KRABD3: variants seen among roughly 807,000 people sequenced by gnomAD.
KRABD3 encodes KRAB domain containing 3, also known as KRAB domain-containing protein 3.
At chr7:149,734,236 G>A in the KRABD3 span, 1 of 718,702 alleles carries the variant, frequency 1.4e-6, no homozygotes, top group African/African-American at 1.8e-5. Flanking sequence ...GCTGCTGTGG[G>A]GGTGCCTTCC....
At chr7:149,722,619 C>A in the KRABD3 span, 2 of 1,534,390 alleles carry the variant, frequency 1.3e-6, no homozygotes, top group South Asian at 1.2e-5. Context: ...ACGAGGAGGT[C>A]ATGCTGCTCC....
the KRABD3 span, chr7:149,726,040 A>G: frequency 3.1e-6 from 5 of 1,612,362 alleles, no homozygotes; most frequent in South Asian, 5.5e-5. Flanking sequence ...GTGGGGAACC[A>G]GGGGCAGCAT....
the KRABD3 span, chr7:149,730,072 G>A: frequency 4.9e-6 from 7 of 1,427,738 alleles, no homozygotes; most frequent in Non-Finnish European, 4.6e-6. Context: ...GACCGGTTCT[G>A]TGTGCCCAGA....
the KRABD3 span, among the ~76,000 whole-genome samples, chr7:149,727,468 C>G: frequency 6.6e-6 from 1 of 152,192 alleles, no homozygotes; most frequent in African/African-American, 2.4e-5. Flanking sequence ...ATGAAGCCTT[C>G]GGCACTCCAG....
chr7:149,728,950 G>A, the KRABD3 span, among the ~76,000 whole-genome samples: 3 of 152,154 alleles, frequency 2.0e-5, no homozygotes, highest in Non-Finnish European at 4.4e-5. Context: ...CCAGCCCCAC[G>A]AGCCTTGGTG....
chr7:149,722,161 C>T, the KRABD3 span: 6 of 515,870 alleles, frequency 1.2e-5, no homozygotes, highest in Non-Finnish European at 2.1e-5. Context: ...TTGTGGCCTA[C>T]ATGTCAAGGC....
chr7:149,728,822 C>T, the KRABD3 span: 10,529 of 889,182 alleles, frequency 0.012, 118 homozygotes, highest in African/African-American at 0.048. Flanking sequence ...GGCCAGAAAG[C>T]CAGATAGTCT....
chr7:149,727,451 A>C, the KRABD3 span, among the ~76,000 whole-genome samples: 1 of 152,240 alleles, frequency 6.6e-6, no homozygotes, highest in Admixed American at 6.5e-5. Context: ...AAGGTTATGT[A>C]GGGAAAATGA....
At chr7:149,727,552 T>A in the KRABD3 span, among the ~76,000 whole-genome samples, 1 of 152,202 alleles carries the variant, frequency 6.6e-6, no homozygotes, top group Non-Finnish European at 1.5e-5. Context: ...ACATGCCCCC[T>A]CCAGGCTGCC....
At chr7:149,718,018 G>C in the KRABD3 span, among the ~76,000 whole-genome samples, 6 of 152,062 alleles carry the variant, frequency 3.9e-5, no homozygotes, top group Non-Finnish European at 8.8e-5. Flanking sequence ...GGCTGGTCTT[G>C]AACTCCTGAC....
the KRABD3 span, chr7:149,719,366 C>A: frequency 1.7e-6 from 1 of 574,858 alleles, no homozygotes; most frequent in Non-Finnish European, 2.9e-6. The surrounding 1 kb of genome is among the most constrained non-coding windows in gnomAD (Gnocchi z 5.6). Context: ...TTCAGCGTGT[C>A]TCTGCAGAGA....
the KRABD3 span, chr7:149,720,748 T>G: frequency 6.7e-4 from 865 of 1,284,766 alleles, no homozygotes; most frequent in Non-Finnish European, 8.4e-4. Context: ...GAGGATTACG[T>G]GAGATGCTGG....
chr7:149,719,486 A>G, the KRABD3 span: 1 of 1,500,422 alleles, frequency 6.7e-7, no homozygotes. This position sits in a 1 kb window ranked among gnomAD's most constrained non-coding sequence, Gnocchi z 5.6. Context: ...AAGTGCAGGG[A>G]CAGCTAGGCT....
At chr7:149,721,571 A>G in the KRABD3 span, 3 of 1,603,646 alleles carry the variant, frequency 1.9e-6, no homozygotes, top group East Asian at 6.7e-5. Context: ...GAGAACCAGC[A>G]TTTCAAAAGC....
At chr7:149,720,930 G>C in the KRABD3 span, 2 of 1,613,686 alleles carry the variant, frequency 1.2e-6, no homozygotes, top group Non-Finnish European at 1.7e-6. Context: ...GGGCGCTATG[G>C]ACAGCCCCGA....
the KRABD3 span, chr7:149,722,646 G>T: frequency 5.4e-6 from 8 of 1,491,420 alleles, no homozygotes; most frequent in Non-Finnish European, 7.3e-6. Context: ...TGGGCCTGGT[G>T]GCAGCTCCAC....
chr7:149,728,598 C>G, the KRABD3 span: 1 of 1,613,784 alleles, frequency 6.2e-7, no homozygotes, highest in Non-Finnish European at 8.5e-7. Context: ...GTGCTGCGGC[C>G]TGCCTGGCCC....
At chr7:149,727,518 C>G in the KRABD3 span, among the ~76,000 whole-genome samples, 1 of 152,264 alleles carries the variant, frequency 6.6e-6, no homozygotes, top group African/African-American at 2.4e-5. Flanking sequence ...CCCTCCTCCT[C>G]CTCACACAGA....
the KRABD3 span, chr7:149,730,051 G>T: frequency 7.1e-7 from 1 of 1,410,828 alleles, no homozygotes. Flanking sequence ...CGTGGGCTGA[G>T]CTGAAAAGGG....
Sources: gnomAD v4.1 joint callset for allele counts (sites outside exome capture counted in the v4.1 genomes callset) on GRCh38, gnomAD v4.1.1 for gene constraint, Gnocchi (gnomAD v3.1) non-coding constraint, MANE v1.5 for transcripts, NCBI Gene and HGNC (gene_info 2026-07-23, HGNC 2026-07-21) for gene names.